XRCC4: variants seen among roughly 807,000 people sequenced by gnomAD.
The protein encoded by XRCC4 is DNA repair protein XRCC4.
Under a neutral mutation model 39.1 loss-of-function variants are expected in XRCC4, and 28 were observed. The ratio of observed to expected loss-of-function variants is 0.72; its 90% CI spans 0.53 to 0.98. The LOEUF (loss-of-function observed/expected upper bound fraction) is 0.98. Ranked by LOEUF, XRCC4 falls within the 50% of genes least tolerant of loss-of-function variation. XRCC4 has a pLI of 0.00. For synonymous variants in XRCC4, 123 were observed against 126.4 expected (o/e 0.97, Z 0.18); for missense variants, 350 against 376.4 (o/e 0.93, Z 0.58).
At chr5:83,213,648 T>C (rs1274080778) in intron 6 of XRCC4, among the ~76,000 whole-genome samples, 3 of 152,184 alleles carry the variant, frequency 2.0e-5, no homozygotes, top group Non-Finnish European at 4.4e-5. Context: ...AATGAAATTA[T>C]ACCAATTCCT....
intron 1 of XRCC4, among the ~76,000 whole-genome samples, chr5:83,091,514 C>T (rs1241977130): frequency 6.6e-6 from 1 of 152,098 alleles, no homozygotes; most frequent in Non-Finnish European, 1.5e-5. Flanking sequence ...ATATCAACTG[C>T]CCATCCTCCC....
intron 7 of XRCC4, among the ~76,000 whole-genome samples, chr5:83,348,066 G>A (rs1010190709): frequency 6.6e-6 from 1 of 152,170 alleles, no homozygotes; most frequent in Non-Finnish European, 1.5e-5. Flanking sequence ...AAGTCCTTGG[G>A]AAACTCTGCC....
chr5:83,153,776 T>C (rs1282835652), intron 3 of XRCC4, among the ~76,000 whole-genome samples: 2 of 152,232 alleles, frequency 1.3e-5, no homozygotes, highest in African/African-American at 2.4e-5. Context: ...GTAACAGATA[T>C]AATCATATTT....
intron 7 of XRCC4, among the ~76,000 whole-genome samples, chr5:83,310,099 A>G (rs1047828159): frequency 6.6e-6 from 1 of 152,222 alleles, no homozygotes; most frequent in African/African-American, 2.4e-5. Context: ...TTTAAAGATA[A>G]CTGCCCAAGA....
intron 7 of XRCC4, among the ~76,000 whole-genome samples, chr5:83,323,121 A>C (rs1319268925): frequency 6.6e-6 from 1 of 152,080 alleles, no homozygotes; most frequent in Non-Finnish European, 1.5e-5. Context: ...TCTGAACTGA[A>C]GCTTGAAATA....
chr5:83,333,944 A>G (rs890031926), intron 7 of XRCC4, among the ~76,000 whole-genome samples: 5 of 151,864 alleles, frequency 3.3e-5, no homozygotes, highest in African/African-American at 1.2e-4. Context: ...TAATTTTTGT[A>G]TTTTTAGTAG....
At position 83,138,127 on chromosome 5, in the gene XRCC4, A is replaced by G. The variant is rs1024352703; in HGVS notation, c.315+26924A>G. Among the ~76,000 whole-genome samples, 4 of 152,200 alleles carry G rather than the reference A, an allele frequency of 2.6e-5. 1 individual carries two copies. Among genetic ancestry groups the G allele is most frequent in the Non-Finnish European group, 4.4e-5 (3 of 68,028 alleles). Reference sequence around the variant, plus strand: ...CTTGTAAACTGAATTGGTGTACTACATGATGCCATTGGGGTGATGTTTCTC... The same window carrying G: ...CTTGTAAACTGAATTGGTGTACTACGTGATGCCATTGGGGTGATGTTTCTC... On this transcript the variant is annotated intron_variant, in intron 3 of 7. Transcript: ENST00000396027.
intron 3 of XRCC4, among the ~76,000 whole-genome samples, chr5:83,117,624 CAT>C (rs1394401246): frequency 2.2e-4 from 30 of 138,480 alleles, no homozygotes; most frequent in Non-Finnish European, 3.7e-4. Context: ...TGTAGAGCTA[CAT>C]ATATATGTGT....
chr5:83,204,684 A>G (rs1424363119), intron 5 of XRCC4, 131 bp from the exon 6 acceptor site: 2 of 570,410 alleles, frequency 3.5e-6, no homozygotes, highest in African/African-American at 3.7e-5. Flanking sequence ...TCTAAATCAT[A>G]TATATTTTCA....
At chr5:83,273,585 A>G (rs1754218008) in intron 7 of XRCC4, among the ~76,000 whole-genome samples, 1 of 152,044 alleles carries the variant, frequency 6.6e-6, no homozygotes, top group Non-Finnish European at 1.5e-5. Flanking sequence ...TCTTGAGTTG[A>G]TTTTTGTATA....
intron 7 of XRCC4, chr5:83,280,556 G>A: frequency 1.9e-6 from 1 of 538,364 alleles, no homozygotes; most frequent in South Asian, 2.6e-5. Context: ...CCCTGCACTG[G>A]AGCCCACACT....
At chr5:83,364,457 G>A in the XRCC4 span, among the ~76,000 whole-genome samples, 1,951 of 152,160 alleles carry the variant, frequency 0.013, 35 homozygotes, top group African/African-American at 0.044. Context: ...TCTTTTATGA[G>A]TCAGTCTTCC....
chr5:83,300,131 A>T (rs188173894), intron 7 of XRCC4, among the ~76,000 whole-genome samples: 5 of 152,322 alleles, frequency 3.3e-5, no homozygotes, highest in African/African-American at 1.2e-4. Flanking sequence ...TTGGGCTGCA[A>T]ACATATCCAA....
At position 83,124,167 on chromosome 5, in the gene XRCC4, A is replaced by G. The variant is rs1486785812; in HGVS notation, c.315+12964A>G. On this transcript the variant is annotated intron_variant, in intron 3 of 7. Transcript: ENST00000396027. ...GTTGTTTCGGCATATAGTTATGTGA[A>G]TTTGGTTCCACATATGGATTCATGT... 2.0e-5 allele frequency among the ~76,000 whole-genome samples: 3 copies of G among 152,084 alleles called. No individual in the cohort carries two copies. The East Asian group carries it at 5.8e-4, about 29-fold the overall frequency.
At chr5:83,186,612 A>G (rs777909312) in intron 3 of XRCC4, among the ~76,000 whole-genome samples, 6 of 152,156 alleles carry the variant, frequency 3.9e-5, no homozygotes, top group Non-Finnish European at 8.8e-5. Flanking sequence ...ATAAGGTAAT[A>G]TTCACAGGTT....
At chr5:83,251,728 GGTATTTGTCAT>G (rs1049031453) in intron 6 of XRCC4, among the ~76,000 whole-genome samples, 2 of 152,106 alleles carry the variant, frequency 1.3e-5, no homozygotes, top group Non-Finnish European at 2.9e-5. Context: ...AGTGTCAGCA[GGTATTTGTCAT>G]TAAGTCTGAC....
At chr5:83,158,374 A>G (rs1749056608) in intron 3 of XRCC4, among the ~76,000 whole-genome samples, 1 of 152,146 alleles carries the variant, frequency 6.6e-6, no homozygotes, top group East Asian at 1.9e-4. Flanking sequence ...ATCTCTGTAG[A>G]TATTGTGAAA....
rs137875290 is a variant in XRCC4, at chr5:83,310,879, G to A, written c.894-42252G>A. The A allele has an allele frequency of 1.5e-3, 695 of 456,344 alleles. 2 individuals are homozygous for A. Among genetic ancestry groups the A allele is most frequent in the Non-Finnish European group, 2.3e-3 (528 of 226,830 alleles). 28.3% of individuals were successfully genotyped at this position (456,344 alleles called of 1,614,324 possible). A position where few individuals can be genotyped will look rare whatever the true frequency, so the allele number is the denominator to read the frequency against. On this transcript the variant is annotated intron_variant, in intron 7 of 7. Transcript: ENST00000396027. ...TGCTAAGCTGCTGCCTTTGAATAAG[G>A]AGGAACGTGAGCCAACAGATCCAAG...
chr5:83,206,808 A>G (rs953521486), intron 6 of XRCC4, among the ~76,000 whole-genome samples: 5 of 152,102 alleles, frequency 3.3e-5, no homozygotes, highest in African/African-American at 9.7e-5. Flanking sequence ...GATGGGATCC[A>G]AGGGACAAGT....
Sources: allele counts gnomAD v4.1 joint callset (sites outside exome capture counted in the v4.1 genomes callset), GRCh38; gene constraint gnomAD v4.1.1; transcripts MANE v1.5; gene names NCBI Gene and HGNC (gene_info 2026-07-23, HGNC 2026-07-21).